Variants in SDHC observed in about 807,000 individuals in gnomAD.
The protein encoded by SDHC is succinate dehydrogenase cytochrome b560 subunit, mitochondrial.
Under a neutral mutation model 22.6 loss-of-function variants are expected in SDHC, and 11 were observed. That is an observed-to-expected ratio of 0.49 (90% CI 0.31 to 0.81). SDHC has a LOEUF of 0.81. Ranked by LOEUF, SDHC falls within the 30% of genes least tolerant of loss-of-function variation. The probability of loss-of-function intolerance (pLI) is 0.05; values close to 1 mark genes in which losing one functional copy is unlikely to be tolerated. For missense variants in SDHC, 160 were observed against 212.0 expected (o/e 0.75, Z 1.52); for synonymous variants, 80 against 77.8 (o/e 1.03, Z -0.15).
At chr1:161,316,583 ATC>A (rs970811985) in intron 1 of SDHC, among the ~76,000 whole-genome samples, 9 of 152,208 alleles carry the variant, frequency 5.9e-5, no homozygotes, top group Non-Finnish European at 1.2e-4. Context: ...TAACAATCTG[ATC>A]TCTCTTTCTT....
intron 3 of SDHC, 50 bp from the exon 4 acceptor site, chr1:161,340,544 A>C (rs1447326915): frequency 6.7e-7 from 1 of 1,486,300 alleles, no homozygotes; most frequent in South Asian, 1.1e-5. Flanking sequence ...ACTCTCTACT[A>C]TGGTGTCATC....
chr1:161,334,769 G>T (rs1266912860), intron 3 of SDHC, among the ~76,000 whole-genome samples: 1 of 151,950 alleles, frequency 6.6e-6, no homozygotes, highest in Non-Finnish European at 1.5e-5. Flanking sequence ...AATTTCATCT[G>T]CAACCTTAAT....
chr1:161,333,140 G>A (rs780436224), intron 3 of SDHC, among the ~76,000 whole-genome samples: 2 of 152,180 alleles, frequency 1.3e-5, no homozygotes, highest in East Asian at 3.9e-4. Flanking sequence ...TGTTTTCAGC[G>A]TTCATCCATG....
intron 5 of SDHC, 116 bp downstream of exon 5, chr1:161,356,956 A>C: frequency 9.3e-7 from 1 of 1,080,778 alleles, no homozygotes; most frequent in Non-Finnish European, 1.4e-6. Flanking sequence ...CCAAGAGTGG[A>C]GTCTCGCTCT....
At chr1:161,358,722 T>A (rs1417009699) in intron 5 of SDHC, among the ~76,000 whole-genome samples, 1 of 150,372 alleles carries the variant, frequency 6.7e-6, no homozygotes, top group African/African-American at 2.4e-5. Flanking sequence ...AGGCCGGGAG[T>A]TCGAGACCAG....
intron 1 of SDHC, among the ~76,000 whole-genome samples, chr1:161,317,797 G>C (rs1271622605): frequency 6.6e-6 from 1 of 151,198 alleles, no homozygotes; most frequent in Non-Finnish European, 1.5e-5. Flanking sequence ...CTGACCTCAG[G>C]TGATCCACCT....
At chr1:161,327,248 G>A (rs754643635) in intron 2 of SDHC, among the ~76,000 whole-genome samples, 59 of 152,160 alleles carry the variant, frequency 3.9e-4, no homozygotes, top group Non-Finnish European at 6.5e-4. Context: ...CTTATATAGG[G>A]ATCTTGTCTA....
At chr1:161,320,039 A>G (rs1463703340) in intron 1 of SDHC, among the ~76,000 whole-genome samples, 1 of 152,082 alleles carries the variant, frequency 6.6e-6, no homozygotes, top group Non-Finnish European at 1.5e-5. Context: ...ATGTTATTTT[A>G]TTTATTTTTC....
chr1:161,327,625 G>A (rs1403224048), intron 2 of SDHC, among the ~76,000 whole-genome samples: 1 of 152,086 alleles, frequency 6.6e-6, no homozygotes, highest in Non-Finnish European at 1.5e-5. Context: ...GCAATGGTGT[G>A]ATCTTGGCTC....
At chr1:161,354,613 T>C (rs1672201087) in intron 4 of SDHC, among the ~76,000 whole-genome samples, 2 of 150,828 alleles carry the variant, frequency 1.3e-5, no homozygotes, top group African/African-American at 4.9e-5. Context: ...CCTCTTCTTT[T>C]TTTCTTTTTT....
chr1:161,317,222 G>T (rs1227261908), intron 1 of SDHC, among the ~76,000 whole-genome samples: 3 of 151,842 alleles, frequency 2.0e-5, no homozygotes, highest in Non-Finnish European at 4.4e-5. Context: ...TAGAGACGGG[G>T]TTTCACCATC....
chr1:161,338,297 C>T (rs1262227132), intron 3 of SDHC, among the ~76,000 whole-genome samples: 1 of 152,100 alleles, frequency 6.6e-6, no homozygotes, highest in Non-Finnish European at 1.5e-5. Context: ...TTTGGGAATA[C>T]TCCTTTCTTA....
chr1:161,327,532 T>G (rs536696751), intron 2 of SDHC, among the ~76,000 whole-genome samples: 1 of 152,286 alleles, frequency 6.6e-6, no homozygotes, highest in Non-Finnish European at 1.5e-5. Context: ...GGAATGTGCC[T>G]TGCTAGTTTT....
chr1:161,321,364 A>G (rs890510757), intron 1 of SDHC, among the ~76,000 whole-genome samples: 4 of 152,224 alleles, frequency 2.6e-5, no homozygotes, highest in African/African-American at 9.6e-5. Context: ...AAATAAGGTT[A>G]TGGCATTTGT....
intron 4 of SDHC, 30 bp downstream of exon 4, chr1:161,340,685 T>C (rs367720079): frequency 2.3e-5 from 37 of 1,593,038 alleles, no homozygotes; most frequent in Non-Finnish European, 3.1e-5. Context: ...CACACACATA[T>C]GTGCTTCTTT....
chr1:161,357,393 T>A lies in SDHC; in HGVS notation c.405+553T>A, dbSNP rs535171690. ...GTCTCATTGGGAACTCTTCCTTTTT[T>A]AATTTAATTTAATTTTATTTTTTGA... On this transcript the variant is annotated intron_variant, in intron 5 of 5. Transcript: ENST00000367975. Among the ~76,000 whole-genome samples, 9 of 152,182 alleles carry A rather than the reference T, an allele frequency of 5.9e-5. No homozygotes were observed. In the South Asian group the frequency reaches 1.2e-3, roughly 21 times the overall value.
rs1671682319 is a variant in SDHC, at chr1:161,340,534, ACT to A, written c.180-55_180-54del. 8 of 1,431,282 alleles carry A rather than the reference ACT, an allele frequency of 5.6e-6. No individual in the cohort carries two copies. The African/African-American group carries it at 9.9e-5, about 18-fold the overall frequency. 88.7% of individuals were successfully genotyped at this position (1,431,282 alleles called of 1,614,324 possible). A position where few individuals can be genotyped will look rare whatever the true frequency, so the allele number is the denominator to read the frequency against. ...TTAGTTTATATTTTTGCCAAGATAG[ACT>A]CTCTACTATGGTGTCATCTTTTCCT... is the stretch of plus-strand genomic sequence containing the variant. On this transcript the variant is annotated intron_variant, in intron 3 of 5. Coordinates refer to ENST00000367975, the MANE Select transcript of SDHC (RefSeq NM_003001.5).
At chr1:161,323,511 T>C in intron 1 of SDHC, 103 bp from the exon 2 acceptor site, 1 of 855,694 alleles carries the variant, frequency 1.2e-6, no homozygotes, top group South Asian at 1.4e-5. Context: ...ATTGTTTTTA[T>C]ATCTTACTTT....
In SDHC at chr1:161,356,693, C is replaced by T. The variant is rs796530020; in HGVS notation, c.258C>T (p.Gly86=). The part of the protein sequence containing the change: ...IALSAGVSLF[G]MSALLLPGNF... Reference sequence around the variant, plus strand: ...TCTCCTCAGGGGTCTCTCTTTTTGGCATGTCGGCCCTGTTACTCCCTGGGA... The same window carrying T: ...TCTCCTCAGGGGTCTCTCTTTTTGGTATGTCGGCCCTGTTACTCCCTGGGA... Residue 86 remains glycine (G), a synonymous_variant, in exon 5 of 6, where the codon GGC becomes GGT. Transcript: ENST00000367975. 1 of 1,613,950 alleles carries T rather than the reference C, an allele frequency of 6.2e-7. No homozygotes were observed. Among genetic ancestry groups the T allele is most frequent in the South Asian group, 1.1e-5 (1 of 91,070 alleles).
Sources: allele counts gnomAD v4.1 joint callset (sites outside exome capture counted in the v4.1 genomes callset), GRCh38; gene constraint gnomAD v4.1.1; transcripts MANE v1.5; gene names NCBI Gene and HGNC (gene_info 2026-07-23, HGNC 2026-07-21).